The following EPHX1 variants were observed in gnomAD, a reference collection of about 807,000 sequenced individuals.
EPHX1 encodes the protein epoxide hydratase.
Under a neutral mutation model 43.2 loss-of-function variants are expected in EPHX1, and 40 were observed. The ratio of observed to expected loss-of-function variants is 0.93; its 90% CI spans 0.72 to 1.21. The LOEUF (loss-of-function observed/expected upper bound fraction) is 1.21, where lower values mean the gene tolerates loss of function less well. EPHX1 is among the 50% of genes most tolerant of loss of function. The pLI is 0.00. For missense variants in EPHX1, 550 were observed against 570.4 expected, an observed-to-expected ratio of 0.96 and a Z score of 0.36; for synonymous variants, 221 against 226.7, an observed-to-expected ratio of 0.98 and a Z score of 0.22.
intron 3 of EPHX1, among the ~76,000 whole-genome samples, chr1:225,836,609 GA>G (rs930131452): frequency 6.7e-6 from 1 of 150,266 alleles, no homozygotes; most frequent in South Asian, 2.1e-4. Context: ...AAAAGAAGAA[GA>G]AAAAAAAAGG....
At chr1:225,826,553 G>A (rs1259226335) in intron 1 of EPHX1, among the ~76,000 whole-genome samples, 5 of 143,694 alleles carry the variant, frequency 3.5e-5, no homozygotes, top group Non-Finnish European at 7.9e-5. Flanking sequence ...GCGAAGGCCT[G>A]CCCCCTGGCA....
At chr1:225,842,842 G>C (rs1045991517) in intron 7 of EPHX1, among the ~76,000 whole-genome samples, 3 of 152,214 alleles carry the variant, frequency 2.0e-5, no homozygotes, top group African/African-American at 7.2e-5. Context: ...AGGGTCACGT[G>C]ACTGCGTGTT....
In EPHX1 at chr1:225,844,513, C is replaced by T. The variant is rs140207745; in HGVS notation, c.1056C>T (p.Asp352=). The stretch of plus-strand genomic sequence containing the variant: ...GCGTTCCCAGGAAGTTCTCCCTGGA[C>T]GACCTGCTGACCAACGTCATGCTCT... The part of the protein sequence containing the change: ...DGGLERKFSL[D]DLLTNVMLYW... The change falls in exon 8 of 9, where the codon GAC becomes GAT. Residue 352 remains aspartate (D), a synonymous_variant. Coordinates refer to ENST00000272167, the MANE Select transcript of EPHX1 (RefSeq NM_001136018.4). 1.8e-5 allele frequency: 29 copies of T among 1,614,122 alleles called. No homozygotes were observed. Among genetic ancestry groups the T allele is most frequent in the East Asian group, 8.9e-5 (4 of 44,880 alleles).
intron 1 of EPHX1, among the ~76,000 whole-genome samples, chr1:225,824,636 G>C (rs1416309896): frequency 1.3e-5 from 2 of 152,262 alleles, no homozygotes; most frequent in African/African-American, 2.4e-5. Flanking sequence ...TTGAGGCTCA[G>C]TCAAGAGGGC....
chr1:225,843,707 A>G (rs181171628), intron 7 of EPHX1, among the ~76,000 whole-genome samples: 2 of 152,384 alleles, frequency 1.3e-5, no homozygotes, highest in Admixed American at 6.5e-5. Context: ...TAGAAAGAAC[A>G]GGAATACACT....
At chr1:225,810,401 A>G (rs1666417638) in intron 1 of EPHX1, 1 of 151,684 alleles carries the variant, frequency 6.6e-6, no homozygotes, top group Admixed American at 6.6e-5. Context: ...GCGACCGCGG[A>G]CTTCTCGCAG....
intron 1 of EPHX1, among the ~76,000 whole-genome samples, chr1:225,826,328 G>A (rs1426751251): frequency 6.6e-6 from 1 of 151,556 alleles, no homozygotes; most frequent in African/African-American, 2.4e-5. Flanking sequence ...GCAGGAGGTG[G>A]TGGTATGCAC....
At chr1:225,819,846 A>G (rs1559016571) in intron 1 of EPHX1, among the ~76,000 whole-genome samples, 3 of 152,180 alleles carry the variant, frequency 2.0e-5, no homozygotes, top group African/African-American at 4.8e-5. Context: ...CTTAGCTGCC[A>G]GGGGGCCAAG....
At chr1:225,819,182 G>C (rs1356671244) in intron 1 of EPHX1, among the ~76,000 whole-genome samples, 1 of 36,272 alleles carries the variant, frequency 2.8e-5, no homozygotes, top group Non-Finnish European at 5.4e-5. Context: ...AGCCGAGATT[G>C]CGCCACTGCA....
At chr1:225,815,742 C>T (rs1312875849) in intron 1 of EPHX1, among the ~76,000 whole-genome samples, 1 of 152,146 alleles carries the variant, frequency 6.6e-6, no homozygotes, top group Non-Finnish European at 1.5e-5. Flanking sequence ...CAGGAAGCAC[C>T]CCTAGTCCTC....
chr1:225,832,888 T>C (rs536605311), intron 3 of EPHX1, among the ~76,000 whole-genome samples: 69 of 152,272 alleles, frequency 4.5e-4, no homozygotes, highest in Non-Finnish European at 8.5e-4. Context: ...TTGTCCATTT[T>C]TTGGGTGTTT....
chr1:225,814,800 G>A (rs998209715), intron 1 of EPHX1, among the ~76,000 whole-genome samples: 4 of 152,242 alleles, frequency 2.6e-5, no homozygotes, highest in Admixed American at 2.6e-4. Context: ...CCGCATTGAG[G>A]GGTGACTTTC....
chr1:225,839,636 A>T (rs908052127), intron 5 of EPHX1, among the ~76,000 whole-genome samples, 193 bp from the exon 6 acceptor site: 1 of 151,902 alleles, frequency 6.6e-6, no homozygotes, highest in African/African-American at 2.4e-5. Context: ...CCTGAGCAGA[A>T]CTCCCCAGAA....
At position 225,838,503 on chromosome 1, in the gene EPHX1, A is replaced by C. The variant is rs142405653; in HGVS notation, c.365-151A>C. On this transcript the variant is annotated intron_variant, in intron 3 of 8. Transcript: ENST00000272167. ...TGGAGCACAGTGTGAGTGTGAAACCAGTGTCAGCCCTTATTACTGTCAATA... is the reference window on the plus strand; with the variant it reads ...TGGAGCACAGTGTGAGTGTGAAACCCGTGTCAGCCCTTATTACTGTCAATA... The C allele has an allele frequency of 3.4e-3, 2,258 of 668,888 alleles. 6 individuals are homozygous for C. The highest frequency in any genetic ancestry group is 5.8e-3 in the Middle Eastern group (14 of 2,416). 41.4% of individuals were successfully genotyped at this position (668,888 alleles called of 1,614,324 possible).
At chr1:225,834,126 G>A (rs78509423) in intron 3 of EPHX1, among the ~76,000 whole-genome samples, 10 of 84,716 alleles carry the variant, frequency 1.2e-4, no homozygotes, top group Admixed American at 2.4e-4. Flanking sequence ...AAAAAAAAAA[G>A]CCGGGTGCGG....
At chr1:225,832,515 C>T (rs975376665) in intron 3 of EPHX1, among the ~76,000 whole-genome samples, 1 of 152,198 alleles carries the variant, frequency 6.6e-6, no homozygotes, top group Non-Finnish European at 1.5e-5. Flanking sequence ...AGCCTGGGCT[C>T]CATCTCAAAG....
Position 225,828,843 on chromosome 1 carries a change from G to A in EPHX1, c.114G>A (p.Thr38=), listed in dbSNP as rs1301819477. The stretch of plus-strand genomic sequence containing the variant: ...AAGATGGGTGGTGGGGGCCAGGCAC[G>A]AGGTCCGCAGCCAGGGAGGACGACA... ...PLEDGWWGPG[T]RSAAREDDSI... is the part of the protein sequence containing the mutation. The change falls in exon 2 of 9, where the codon ACG becomes ACA. Residue 38 remains threonine (T), a synonymous_variant. Transcript: ENST00000272167. 8.1e-6 allele frequency: 13 copies of A among 1,611,680 alleles called. No individual in the cohort carries two copies. The highest frequency in any genetic ancestry group is 4.5e-5 in the East Asian group (2 of 44,848).
chr1:225,828,465 G>A (rs975449237), intron 1 of EPHX1, among the ~76,000 whole-genome samples: 6 of 151,196 alleles, frequency 4.0e-5, no homozygotes, highest in African/African-American at 1.5e-4. Flanking sequence ...AAGCTTAGTA[G>A]GATTGTGGGT....
At chr1:225,811,253 C>T (rs1666468727) in intron 1 of EPHX1, among the ~76,000 whole-genome samples, 1 of 152,184 alleles carries the variant, frequency 6.6e-6, no homozygotes, top group Non-Finnish European at 1.5e-5. Flanking sequence ...CTGGCGGCTC[C>T]CGAGATCTTG....
Sources: allele counts gnomAD v4.1 joint callset (sites outside exome capture counted in the v4.1 genomes callset), GRCh38; gene constraint gnomAD v4.1.1; transcripts MANE v1.5; gene names NCBI Gene and HGNC (gene_info 2026-07-23, HGNC 2026-07-21).